The following UNC5D variants were observed in gnomAD, a reference collection of about 807,000 sequenced individuals.
UNC5D encodes the protein unc-5 netrin receptor D, also known as netrin receptor UNC5D.
Under a neutral mutation model 105.4 loss-of-function variants are expected in UNC5D, and 39 were observed. That is an observed-to-expected ratio of 0.37 (90% CI 0.29 to 0.48). The LOEUF (loss-of-function observed/expected upper bound fraction) is 0.48. Among genes scored for constraint, UNC5D ranks in the 20% least tolerant of loss-of-function variants. UNC5D has a pLI of 0.98. For missense variants in UNC5D, 991 were observed against 1,202.4 expected (o/e 0.82, Z 2.60); for synonymous variants, 452 against 450.4 (o/e 1.00, Z -0.04).
intron 8 of UNC5D, among the ~76,000 whole-genome samples, chr8:35,711,023 C>T (rs1276443310): frequency 3.9e-5 from 5 of 126,814 alleles, no homozygotes; most frequent in African/African-American, 2.0e-4. Context: ...ACTGCAAGCT[C>T]TGCCTCCCGG....
At chr8:35,504,720 A>T (rs1248999277) in intron 1 of UNC5D, among the ~76,000 whole-genome samples, 1 of 152,140 alleles carries the variant, frequency 6.6e-6, no homozygotes, top group African/African-American at 2.4e-5. Flanking sequence ...CATCTTCCTG[A>T]GCCTTTTTCT....
intron 3 of UNC5D, among the ~76,000 whole-genome samples, chr8:35,584,893 A>G (rs1181799680): frequency 6.6e-6 from 1 of 152,102 alleles, no homozygotes; most frequent in Non-Finnish European, 1.5e-5. Context: ...TTATCTTCCT[A>G]ATTTTCAATA....
chr8:35,251,000 A>T (rs7820017), intron 1 of UNC5D, among the ~76,000 whole-genome samples: 1 of 152,022 alleles, frequency 6.6e-6, no homozygotes, highest in African/African-American at 2.4e-5. Flanking sequence ...GTGTATAAAC[A>T]TAGAAACTGT....
chr8:35,743,654 A>T (rs1414709927), intron 11 of UNC5D, among the ~76,000 whole-genome samples: 1 of 152,104 alleles, frequency 6.6e-6, no homozygotes, highest in Admixed American at 6.6e-5. Flanking sequence ...TTGCAATAAT[A>T]TCAAGAATTC....
intron 11 of UNC5D, among the ~76,000 whole-genome samples, chr8:35,733,593 C>A (rs543266777): frequency 5.9e-5 from 9 of 152,304 alleles, no homozygotes; most frequent in African/African-American, 2.2e-4. Flanking sequence ...TCTCCATCAC[C>A]TCCACACACA....
chr8:35,732,351 A>G (rs1051553691), intron 11 of UNC5D, among the ~76,000 whole-genome samples: 2 of 152,140 alleles, frequency 1.3e-5, no homozygotes, highest in East Asian at 1.9e-4. Context: ...AGGTTGTGCT[A>G]TGTTGGGATC....
chr8:35,612,505 AG>A (rs1207573635), intron 4 of UNC5D, among the ~76,000 whole-genome samples: 1 of 151,890 alleles, frequency 6.6e-6, no homozygotes, highest in African/African-American at 2.4e-5. Flanking sequence ...GAGGAAATGA[AG>A]GTCTTAGCAG....
intron 4 of UNC5D, among the ~76,000 whole-genome samples, chr8:35,613,881 T>C (rs1820852723): frequency 6.6e-6 from 1 of 152,142 alleles, no homozygotes; most frequent in African/African-American, 2.4e-5. Flanking sequence ...CACATTTTGG[T>C]ACCTATGCCA....
intron 1 of UNC5D, 106 bp downstream of exon 1, chr8:35,235,993 A>T: frequency 9.8e-7 from 1 of 1,017,622 alleles, no homozygotes; most frequent in Non-Finnish European, 1.3e-6. Context: ...TGCGCCCTGC[A>T]CCTCGGCGCT....
chr8:35,471,442 T>C (rs1809717979), intron 1 of UNC5D, among the ~76,000 whole-genome samples: 1 of 152,200 alleles, frequency 6.6e-6, no homozygotes, highest in Non-Finnish European at 1.5e-5. Context: ...GTTTTTTTAA[T>C]AATTAAAGTG....
chr8:35,422,420 C>A (rs956422008), intron 1 of UNC5D, among the ~76,000 whole-genome samples: 2 of 152,166 alleles, frequency 1.3e-5, no homozygotes, highest in African/African-American at 2.4e-5. Context: ...TCTAAAGGGA[C>A]AATATTCTTT....
chr8:35,530,095 G>A (rs1814227802), intron 1 of UNC5D, among the ~76,000 whole-genome samples: 1 of 151,964 alleles, frequency 6.6e-6, no homozygotes, highest in Non-Finnish European at 1.5e-5. Flanking sequence ...GAATAGGAGT[G>A]GTGAGAGAGG....
intron 1 of UNC5D, among the ~76,000 whole-genome samples, chr8:35,331,017 T>C (rs953088292): frequency 1.3e-5 from 2 of 152,136 alleles, no homozygotes; most frequent in Admixed American, 1.3e-4. Flanking sequence ...TTGGTTGGTT[T>C]GTTGTTTGCT....
At chr8:35,375,977 T>A (rs1802677118) in intron 1 of UNC5D, among the ~76,000 whole-genome samples, 3 of 152,186 alleles carry the variant, frequency 2.0e-5, no homozygotes, top group Non-Finnish European at 2.9e-5. Context: ...ATTTGAGATG[T>A]TTCCAGACGT....
chr8:35,385,612 C>T (rs1803340263), intron 1 of UNC5D, among the ~76,000 whole-genome samples: 1 of 152,020 alleles, frequency 6.6e-6, no homozygotes, highest in Non-Finnish European at 1.5e-5. Context: ...ACTACAGGCA[C>T]CCGCCACCAC....
intron 8 of UNC5D, among the ~76,000 whole-genome samples, chr8:35,709,247 TGTTA>T (rs1827789428): frequency 6.6e-6 from 1 of 151,976 alleles, no homozygotes; most frequent in South Asian, 2.1e-4. Context: ...CAAGCTTACG[TGTTA>T]GTGAGGAAGG....
chr8:35,412,889 G>C (rs1428454234), intron 1 of UNC5D, among the ~76,000 whole-genome samples: 1 of 152,038 alleles, frequency 6.6e-6, no homozygotes, highest in African/African-American at 2.4e-5. Flanking sequence ...TCCATGGAGG[G>C]GTGCAGGAAA....
intron 4 of UNC5D, among the ~76,000 whole-genome samples, chr8:35,627,717 C>T (rs1277467227): frequency 6.6e-6 from 1 of 152,136 alleles, no homozygotes; most frequent in Non-Finnish European, 1.5e-5. Flanking sequence ...TCACTTGAGC[C>T]TGGGAGCTTG....
At chr8:35,743,411 A>C (rs904224198) in intron 11 of UNC5D, among the ~76,000 whole-genome samples, 1 of 151,834 alleles carries the variant, frequency 6.6e-6, no homozygotes, top group African/African-American at 2.4e-5. Flanking sequence ...CTGGGACTAC[A>C]GGCATGCACC....
Sources: allele counts gnomAD v4.1 joint callset (sites outside exome capture counted in the v4.1 genomes callset), GRCh38; gene constraint gnomAD v4.1.1; transcripts MANE v1.5; gene names NCBI Gene and HGNC (gene_info 2026-07-23, HGNC 2026-07-21).